The following NEO1 variants were observed in gnomAD, a reference collection of about 807,000 sequenced individuals.
The protein encoded by NEO1 is neogenin 1.
A neutral mutation model predicts 159.7 loss-of-function variants in NEO1; 63 were observed. The ratio of observed to expected loss-of-function variants is 0.39; its 90% CI spans 0.32 to 0.49. NEO1 has a LOEUF of 0.49. Among genes scored for constraint, NEO1 ranks in the 20% least tolerant of loss-of-function variants. NEO1 has a pLI of 0.85. For missense variants in NEO1, 1,615 were observed against 1,831.0 expected (o/e 0.88, Z 2.15); for synonymous variants, 633 against 662.0 (o/e 0.96, Z 0.67).
chr15:73,274,394 C>A (rs575352144), intron 20 of NEO1, among the ~76,000 whole-genome samples: 1 of 151,886 alleles, frequency 6.6e-6, no homozygotes, highest in African/African-American at 2.4e-5. Context: ...TATTTGTGGA[C>A]GTTACAGAGA....
Position 73,055,696 on chromosome 15 carries a change from C to T in NEO1, c.130+2891C>T, listed in dbSNP as rs377209558. 8.5e-5 allele frequency among the ~76,000 whole-genome samples: 13 copies of T among 152,132 alleles called. No individual in the cohort carries two copies. In the East Asian group the frequency reaches 1.3e-3, roughly 16 times the overall value. On this transcript the variant is annotated intron_variant, in intron 1 of 28. Coordinates refer to ENST00000261908, the MANE Select transcript of NEO1 (RefSeq NM_002499.4). Reference sequence around the variant, plus strand: ...AGTTAAACTCTGTGTCATTTTCCCTCGTGCTTCCTTCATCCCCATTCTCTA... The same window carrying T: ...AGTTAAACTCTGTGTCATTTTCCCTTGTGCTTCCTTCATCCCCATTCTCTA...
intron 15 of NEO1, among the ~76,000 whole-genome samples, chr15:73,264,990 A>G (rs935259192): frequency 5.9e-5 from 9 of 152,204 alleles, no homozygotes; most frequent in Non-Finnish European, 1.0e-4. Flanking sequence ...AGGCTAGTCC[A>G]GTGTGGAATG....
In NEO1 at chr15:73,053,823, T is replaced by C. The variant is rs181094319; in HGVS notation, c.130+1018T>C. Among the ~76,000 whole-genome samples the C allele has an allele frequency of 2.4e-4, 36 of 152,350 alleles. 1 individual carries two copies. The highest frequency in any genetic ancestry group is 2.1e-3 in the Admixed American group (32 of 15,308). On this transcript the variant is annotated intron_variant, in intron 1 of 28. Coordinates refer to ENST00000261908, the MANE Select transcript of NEO1 (RefSeq NM_002499.4). ...ACAAAACTTTCACTCGTGTGAGATA[T>C]GATATTTTTACATTTGAAAGCAGTC...
chr15:73,066,689 T>C (rs759831994), intron 1 of NEO1, among the ~76,000 whole-genome samples: 4 of 152,202 alleles, frequency 2.6e-5, no homozygotes, highest in Non-Finnish European at 5.9e-5. Context: ...ATACCTTTAG[T>C]TCTTAGATGT....
In NEO1 at chr15:73,256,970, A is replaced by C. The variant is rs368501495; in HGVS notation, c.2093-1796A>C. Reference sequence around the variant, plus strand: ...ATGGATAAGCAGAGGCTGAAAAAAAAAAAGTATAAAAATTAGCCAGGTGTG... The same window carrying C: ...ATGGATAAGCAGAGGCTGAAAAAAACAAAGTATAAAAATTAGCCAGGTGTG... On this transcript the variant is annotated intron_variant, in intron 13 of 28. Coordinates refer to ENST00000261908, the MANE Select transcript of NEO1 (RefSeq NM_002499.4). 2.6e-5 allele frequency among the ~76,000 whole-genome samples: 4 copies of C among 151,856 alleles called. No individual in the cohort carries two copies. In the East Asian group the frequency reaches 7.8e-4, roughly 30 times the overall value.
intron 1 of NEO1, among the ~76,000 whole-genome samples, chr15:73,082,526 T>C (rs1247131703): frequency 6.6e-6 from 1 of 152,034 alleles, no homozygotes. Context: ...AAAACAGTAA[T>C]ATGAAGTTCA....
Position 73,249,659 on chromosome 15 carries a change from C to G in NEO1, c.1832C>G (p.Ala611Gly). Residue 611 changes from alanine to glycine, a missense_variant, in exon 11 of 29, where the codon GCC (alanine) becomes GGC (glycine). Physicochemically the swap from Ala to Gly is moderately conservative, Grantham distance 60. Transcript: ENST00000261908. ...KYTEYSFRVV[A>G]YNKHGPGVST... ...ACAGAGTATAGTTTCCGAGTGGTGG[C>G]CTACAATAAACATGGTCCTGGAGTT... 1 of 1,613,814 alleles carries G rather than the reference C, an allele frequency of 6.2e-7. No homozygotes were observed. Among genetic ancestry groups the G allele is most frequent in the Non-Finnish European group, 8.5e-7 (1 of 1,179,884 alleles).
intron 2 of NEO1, among the ~76,000 whole-genome samples, chr15:73,121,225 C>T (rs975131010): frequency 3.3e-5 from 5 of 152,190 alleles, no homozygotes; most frequent in Non-Finnish European, 7.4e-5. Context: ...CTGTCCTCCT[C>T]CCACACATAC....
intron 4 of NEO1, among the ~76,000 whole-genome samples, chr15:73,132,333 C>A (rs2031237401): frequency 6.6e-6 from 1 of 152,142 alleles, no homozygotes; most frequent in Non-Finnish European, 1.5e-5. Flanking sequence ...AATCAAACTT[C>A]TGCTTTAGTG....
chr15:73,125,817 CA>C (rs943308540), intron 3 of NEO1, among the ~76,000 whole-genome samples: 3 of 148,726 alleles, frequency 2.0e-5, no homozygotes, highest in Non-Finnish European at 4.6e-5. Context: ...ACAGACTGAG[CA>C]AGTTAAAGAG....
chr15:73,065,735 A>G (rs2068182018), intron 1 of NEO1, among the ~76,000 whole-genome samples: 1 of 152,154 alleles, frequency 6.6e-6, no homozygotes. Flanking sequence ...TGGGCTGATC[A>G]CTTTCATCAC....
intron 7 of NEO1, among the ~76,000 whole-genome samples, chr15:73,223,834 T>C (rs1295859161): frequency 6.6e-6 from 1 of 152,242 alleles, no homozygotes; most frequent in Admixed American, 6.5e-5. Context: ...TTGTTGCCAG[T>C]GTACCTTGGT....
At chr15:73,199,194 T>G (rs1385048423) in intron 7 of NEO1, among the ~76,000 whole-genome samples, 1 of 151,354 alleles carries the variant, frequency 6.6e-6, no homozygotes, top group African/African-American at 2.4e-5. Flanking sequence ...TGCCTGATAT[T>G]TTCTTAAGAG....
intron 22 of NEO1, among the ~76,000 whole-genome samples, chr15:73,279,202 A>AAC (rs2041558812): frequency 1.2e-4 from 19 of 152,166 alleles, no homozygotes; most frequent in Admixed American, 1.2e-3. Flanking sequence ...GACTCTGTTT[A>AAC]TGAGTTTCTT....
intron 7 of NEO1, among the ~76,000 whole-genome samples, chr15:73,223,717 A>T (rs770598187): frequency 2.6e-5 from 4 of 152,098 alleles, no homozygotes; most frequent in Non-Finnish European, 4.4e-5. Context: ...TTGGTTGGTG[A>T]GTTCTTATCC....
chr15:73,214,460 T>C (rs986664166), intron 7 of NEO1, among the ~76,000 whole-genome samples: 1 of 152,072 alleles, frequency 6.6e-6, no homozygotes, highest in East Asian at 1.9e-4. Flanking sequence ...AAGGTGAGAG[T>C]TGAGGATCCA....
At chr15:73,278,414 T>C (rs966908862) in intron 22 of NEO1, among the ~76,000 whole-genome samples, 1 of 152,238 alleles carries the variant, frequency 6.6e-6, no homozygotes, top group African/African-American at 2.4e-5. Flanking sequence ...CAACTTAAGA[T>C]TAATTCCTAA....
intron 5 of NEO1, among the ~76,000 whole-genome samples, chr15:73,147,817 CTTT>C (rs34612116): frequency 8.6e-5 from 12 of 139,746 alleles, no homozygotes; most frequent in Admixed American, 1.4e-4. Context: ...GGTGGAATGT[CTTT>C]TTTTTTTTTT....
At chr15:73,297,867 C>T (rs569297693) in intron 26 of NEO1, among the ~76,000 whole-genome samples, 3 of 152,326 alleles carry the variant, frequency 2.0e-5, no homozygotes, top group East Asian at 3.9e-4. Flanking sequence ...CCTGGAGGCA[C>T]GAAGGCCTGT....
Sources: gnomAD v4.1 joint callset for allele counts (sites outside exome capture counted in the v4.1 genomes callset) on GRCh38, gnomAD v4.1.1 for gene constraint, MANE v1.5 for transcripts, NCBI Gene and HGNC (gene_info 2026-07-23, HGNC 2026-07-21) for gene names.